TNS3: variants seen among roughly 807,000 people sequenced by gnomAD.
The protein encoded by TNS3 is tensin-3.
A neutral mutation model predicts 140.9 loss-of-function variants in TNS3; 45 were observed. The ratio of observed to expected loss-of-function variants is 0.32; its 90% confidence interval spans 0.25 to 0.41. The LOEUF is 0.41. Ranked by LOEUF, TNS3 falls within the 10% of genes least tolerant of loss-of-function variation. TNS3 has a pLI of 1.00. For missense variants in TNS3, 1,716 were observed against 1,906.7 expected, an observed-to-expected ratio of 0.90 and a Z score of 1.86; for synonymous variants, 815 against 788.4, an observed-to-expected ratio of 1.03 and a Z score of -0.56.
At chr7:47,468,561 C>T (rs918172973) in intron 4 of TNS3, among the ~76,000 whole-genome samples, 10 of 152,132 alleles carry the variant, frequency 6.6e-5, no homozygotes, top group South Asian at 6.2e-4. Flanking sequence ...ATTTAAAATG[C>T]GTGACTACTG....
chr7:47,286,317 G>A (rs1282181657), intron 27 of TNS3, among the ~76,000 whole-genome samples: 1 of 152,124 alleles, frequency 6.6e-6, no homozygotes, highest in Non-Finnish European at 1.5e-5. Context: ...CCAAATGCAG[G>A]AACTATGTCA....
intron 3 of TNS3, among the ~76,000 whole-genome samples, chr7:47,493,500 T>C (rs970160103): frequency 2.6e-5 from 4 of 152,116 alleles, no homozygotes; most frequent in African/African-American, 9.7e-5. Flanking sequence ...GTTTGGGTTT[T>C]ACCAACTGTC....
intron 20 of TNS3, among the ~76,000 whole-genome samples, chr7:47,329,660 T>G (rs967135837): frequency 1.3e-5 from 2 of 152,194 alleles, no homozygotes; most frequent in African/African-American, 2.4e-5. Context: ...CGGAAATGCC[T>G]GACCACGGAC....
intron 20 of TNS3, among the ~76,000 whole-genome samples, chr7:47,313,469 C>G (rs1238098886): frequency 6.6e-6 from 1 of 152,190 alleles, no homozygotes; most frequent in Non-Finnish European, 1.5e-5. Flanking sequence ...CAGCACAGAA[C>G]TTTGGAATAA....
At chr7:47,491,577 C>T (rs1258298400) in intron 3 of TNS3, among the ~76,000 whole-genome samples, 1 of 152,198 alleles carries the variant, frequency 6.6e-6, no homozygotes, top group Non-Finnish European at 1.5e-5. Flanking sequence ...AGCATAGTTA[C>T]CGAAGGCCAT....
At chr7:47,549,754 C>T (rs1472325911) in intron 1 of TNS3, among the ~76,000 whole-genome samples, 3 of 152,164 alleles carry the variant, frequency 2.0e-5, no homozygotes, top group Non-Finnish European at 4.4e-5. Context: ...AAACTCTAGT[C>T]CATCTGTCCA....
chr7:47,280,878 A>C, intron 28 of TNS3, among the ~76,000 whole-genome samples: 1 of 151,282 alleles, frequency 6.6e-6, no homozygotes, highest in African/African-American at 2.4e-5. Context: ...GCTCCACTGC[A>C]CTCCAGCTTG....
intron 3 of TNS3, among the ~76,000 whole-genome samples, chr7:47,485,986 G>A (rs1331892975): frequency 1.3e-5 from 2 of 151,700 alleles, no homozygotes; most frequent in Non-Finnish European, 2.9e-5. Context: ...GTGGGTGAGT[G>A]TGGGTGTGTG....
chr7:47,466,753 C>T (rs1318740965), intron 4 of TNS3, among the ~76,000 whole-genome samples: 1 of 152,172 alleles, frequency 6.6e-6, no homozygotes, highest in Non-Finnish European at 1.5e-5. Context: ...AGGACCAGAG[C>T]CTAGAGCCAG....
Position 47,497,320 on chromosome 7 carries a change from G to A in TNS3, c.-115+9587C>T, listed in dbSNP as rs1015688909. Among the ~76,000 whole-genome samples the A allele has an allele frequency of 5.3e-5, 8 of 152,234 alleles. No homozygotes were observed. In the East Asian group the frequency reaches 1.5e-3, roughly 29 times the overall value. Reference sequence around the variant, plus strand: ...CTACAGTGATTCCTAATACAATGATGCAGATTAAGGTATTAAAAGGGGAAA... The same window carrying A: ...CTACAGTGATTCCTAATACAATGATACAGATTAAGGTATTAAAAGGGGAAA... On this transcript the variant is annotated intron_variant, in intron 3 of 30. Transcript: ENST00000311160.
At chr7:47,304,112 C>T (rs1382489515) in intron 21 of TNS3, among the ~76,000 whole-genome samples, 1 of 152,240 alleles carries the variant, frequency 6.6e-6, no homozygotes, top group Non-Finnish European at 1.5e-5. Flanking sequence ...GTCCCCTCCT[C>T]CTCGCAGCAT....
intron 27 of TNS3, among the ~76,000 whole-genome samples, chr7:47,288,195 G>A (rs1340848978): frequency 2.0e-5 from 3 of 152,166 alleles, no homozygotes; most frequent in African/African-American, 4.8e-5. Flanking sequence ...ACAGCTGGAC[G>A]TGGGAGCTGA....
chr7:47,379,977 T>C (rs945236854), intron 16 of TNS3, among the ~76,000 whole-genome samples: 11 of 152,352 alleles, frequency 7.2e-5, no homozygotes, highest in Middle Eastern at 3.4e-3. Flanking sequence ...GAGCAGAACC[T>C]TCCACACAGA....
chr7:47,361,364 G>C (rs1035620986), intron 17 of TNS3, among the ~76,000 whole-genome samples: 19 of 152,088 alleles, frequency 1.2e-4, no homozygotes, highest in African/African-American at 4.3e-4. Context: ...AACTTCCCTG[G>C]CACACTATGC....
At chr7:47,372,064 A>T (rs909515042) in intron 16 of TNS3, among the ~76,000 whole-genome samples, 1 of 152,264 alleles carries the variant, frequency 6.6e-6, no homozygotes, top group African/African-American at 2.4e-5. Context: ...TTAACAAATG[A>T]AAGAACCTGG....
chr7:47,349,837 G>A (rs1789560491), intron 17 of TNS3, among the ~76,000 whole-genome samples: 2 of 152,192 alleles, frequency 1.3e-5, no homozygotes, highest in Non-Finnish European at 2.9e-5. Context: ...AGAAAAACAG[G>A]AGACCAACGT....
At chr7:47,486,388 G>A (rs934589474) in intron 3 of TNS3, among the ~76,000 whole-genome samples, 23 of 152,126 alleles carry the variant, frequency 1.5e-4, no homozygotes, top group African/African-American at 5.6e-4. Context: ...GTCTCCGTGT[G>A]TGAGTGTATA....
At position 47,487,491 on chromosome 7, in the gene TNS3, G is replaced by A. The variant is rs181199175; in HGVS notation, c.-114-6350C>T. Among the ~76,000 whole-genome samples, 578 of 152,204 alleles carry A rather than the reference G, an allele frequency of 3.8e-3. 2 individuals are homozygous for A. The highest frequency in any genetic ancestry group is 0.019 in the South Asian group (93 of 4,818). ...GCAGGCCTGGGCAAACCTTGTTCAT[G>A]TCAGGATTCTGGAGGGGAGAATCAG... is the stretch of plus-strand genomic sequence containing the variant. On this transcript the variant is annotated intron_variant, in intron 3 of 30. Coordinates refer to ENST00000311160, the MANE Select transcript of TNS3 (RefSeq NM_022748.12).
At chr7:47,529,558 A>C (rs1364970758) in intron 1 of TNS3, among the ~76,000 whole-genome samples, 4 of 152,244 alleles carry the variant, frequency 2.6e-5, no homozygotes, top group Non-Finnish European at 4.4e-5. Context: ...TAATTAGCTA[A>C]ACAGCATAAT....
Sources: allele counts gnomAD v4.1 joint callset (sites outside exome capture counted in the v4.1 genomes callset), GRCh38; gene constraint gnomAD v4.1.1; transcripts MANE v1.5; gene names NCBI Gene and HGNC (gene_info 2026-07-23, HGNC 2026-07-21).